The following FPR2 variants were observed in gnomAD, a reference collection of about 807,000 sequenced individuals.
FPR2 encodes N-formyl peptide receptor 2.
Under a neutral mutation model 4.0 loss-of-function variants are expected in FPR2, and 3 were observed. That is an observed-to-expected ratio of 0.74 (90% confidence interval 0.34 to 1.92). The LOEUF (loss-of-function observed/expected upper bound fraction) is 1.92. Ranked by LOEUF, FPR2 falls within the 30% of genes most tolerant of loss-of-function variation. The pLI, the probability that FPR2 is intolerant of heterozygous loss-of-function variation, is 0.07. For missense variants in FPR2, 372 were observed against 435.7 expected (o/e 0.85, Z 1.30); for synonymous variants, 179 against 171.5 (o/e 1.04, Z -0.34).
At chr19:51,768,405 G>A in intron 1 of FPR2, 1 of 462,098 alleles carries the variant, frequency 2.2e-6, no homozygotes, top group Non-Finnish European at 3.9e-6. Context: ...TCTTGGTGAA[G>A]TGATCAGCCC....
At chr19:51,766,049 A>G (rs578069378) in intron 1 of FPR2, among the ~76,000 whole-genome samples, 269 of 152,304 alleles carry the variant, frequency 1.8e-3, no homozygotes, top group African/African-American at 6.3e-3. Flanking sequence ...CCTCCCGAGT[A>G]GCTGGGACTG....
At chr19:51,766,184 G>A (rs575768374) in intron 1 of FPR2, among the ~76,000 whole-genome samples, 1 of 152,204 alleles carries the variant, frequency 6.6e-6, no homozygotes, top group Non-Finnish European at 1.5e-5. Context: ...GCCTCCCAAA[G>A]TGTTGGGATT....
At position 51,769,045 on chromosome 19, in the gene FPR2, T is replaced by C. The variant is rs2083884485; in HGVS notation, c.387T>C (p.His129=). The part of the protein sequence containing the change: ...IALDRCICVL[H]PVWAQNHRTV... Reference sequence around the variant, plus strand: ...TGGACCGCTGCATTTGTGTCCTGCATCCAGTCTGGGCCCAGAACCACCGCA... The same window carrying C: ...TGGACCGCTGCATTTGTGTCCTGCACCCAGTCTGGGCCCAGAACCACCGCA... The change falls in exon 2 of 2, where the codon CAT becomes CAC. Residue 129 remains histidine, a synonymous_variant. Coordinates refer to ENST00000340023, the MANE Select transcript of FPR2 (RefSeq NM_001005738.2). The surrounding 1 kb of genome is among the most constrained non-coding windows in gnomAD (Gnocchi z 4.4). The C allele has an allele frequency of 6.2e-7, 1 of 1,614,220 alleles. No homozygotes were observed. The highest frequency in any genetic ancestry group is 1.7e-5 in the Admixed American group (1 of 60,028).
chr19:51,769,072 T>C lies in FPR2; in HGVS notation c.414T>C (p.Thr138=), dbSNP rs1185906831. 5 of 1,614,086 alleles carry C rather than the reference T, an allele frequency of 3.1e-6. No individual in the cohort carries two copies. The highest frequency in any genetic ancestry group is 1.1e-5 in the South Asian group (1 of 91,090). ...CAGTCTGGGCCCAGAACCACCGCAC[T>C]GTGAGTCTGGCCATGAAGGTGATCG... The part of the protein sequence containing the change: ...LHPVWAQNHR[T]VSLAMKVIVG... Residue 138 remains threonine, a synonymous_variant, in exon 2 of 2, where the codon ACT becomes ACC. Transcript: ENST00000340023. This position sits in a 1 kb window ranked among gnomAD's most constrained non-coding sequence, Gnocchi z 4.4.
chr19:51,770,202 T>C lies in FPR2; in HGVS notation c.*488T>C, dbSNP rs1285941964. On this transcript the variant is annotated 3_prime_UTR_variant, in exon 2 of 2. Transcript: ENST00000340023. ...TCTACATGTATTAAGATGGTCATATTATTCTTCTTCTTTTATGTAAATCAT... is the reference window on the plus strand; with the variant it reads ...TCTACATGTATTAAGATGGTCATATCATTCTTCTTCTTTTATGTAAATCAT... 5.9e-6 allele frequency: 1 copy of C among 168,910 alleles called. No individual in the cohort carries two copies. The highest frequency in any genetic ancestry group is 1.9e-4 in the East Asian group (1 of 5,230). The allele number at this position is 168,910 out of a possible 1,614,324, so 10.5% of individuals were successfully genotyped here.
At chr19:51,768,549 G>A in intron 1 of FPR2, 96 bp from the exon 2 acceptor site, 1 of 951,274 alleles carries the variant, frequency 1.1e-6, no homozygotes, top group African/African-American at 1.7e-5. Flanking sequence ...CTCCTGGTAG[G>A]AGTGGGAGCT....
chr19:51,766,372 A>C (rs1361499917), intron 1 of FPR2, among the ~76,000 whole-genome samples: 1 of 89,696 alleles, frequency 1.1e-5, no homozygotes, highest in Non-Finnish European at 2.5e-5. Flanking sequence ...GGGGCTGCTC[A>C]ACATCCTACT....
chr19:51,769,452 C>T lies in FPR2; in HGVS notation c.794C>T (p.Thr265Ile). Residue 265 changes from threonine (T) to isoleucine (I), a missense_variant, in exon 2 of 2, where the codon ACC (threonine) becomes ATC (isoleucine). Transcript: ENST00000340023. The surrounding 1 kb of genome is among the most constrained non-coding windows in gnomAD (Gnocchi z 4.4). ...TTTCAACTGGTTGCCCTTCTGGGCA[C>T]CGTCTGGCTCAAAGAGATGTTGTTC... is the stretch of plus-strand genomic sequence containing the variant. ...FPFQLVALLG[T>I]VWLKEMLFYG... The T allele has an allele frequency of 6.2e-7, 1 of 1,614,202 alleles. No homozygotes were observed. The highest frequency in any genetic ancestry group is 8.5e-7 in the Non-Finnish European group (1 of 1,180,036).
chr19:51,769,382 G>T lies in FPR2; in HGVS notation c.724G>T (p.Val242Phe). The change falls in exon 2 of 2, where the codon GTC becomes TTC. Residue 242 changes from valine to phenylalanine, a missense_variant. Val to Phe is a conservative substitution (Grantham distance 50, BLOSUM62 -1). Coordinates refer to ENST00000340023, the MANE Select transcript of FPR2 (RefSeq NM_001005738.2). The surrounding 1 kb of genome is among the most constrained non-coding windows in gnomAD (Gnocchi z 4.4). ...GATTAAATCCAGCCGTCCCTTACGGGTCCTCACTGCTGTGGTGGCTTCTTT... is the reference window on the plus strand; with the variant it reads ...GATTAAATCCAGCCGTCCCTTACGGTTCCTCACTGCTGTGGTGGCTTCTTT... ...GMIKSSRPLR[V>F]LTAVVASFFI... 1.2e-6 allele frequency: 2 copies of T among 1,614,224 alleles called. No homozygotes were observed. Among genetic ancestry groups the T allele is most frequent in the Non-Finnish European group, 1.7e-6 (2 of 1,180,052 alleles).
intron 1 of FPR2, among the ~76,000 whole-genome samples, chr19:51,767,825 C>T (rs752664783): frequency 7.2e-5 from 11 of 152,016 alleles, no homozygotes; most frequent in Admixed American, 2.0e-4. Flanking sequence ...TAGGCCAAAC[C>T]GGATCCCATA....
rs2083891792 is a variant in FPR2 at position 51,769,879 on chromosome 19, C to T, written c.*165C>T. The T allele has an allele frequency of 1.6e-6, 1 of 644,856 alleles. No homozygotes were observed. Among genetic ancestry groups the T allele is most frequent in the Non-Finnish European group, 2.7e-6 (1 of 366,806 alleles). 39.9% of individuals were successfully genotyped at this position (644,856 alleles called of 1,614,324 possible). A position where few individuals can be genotyped will look rare whatever the true frequency, so the allele number is the denominator to read the frequency against. ...GATTTGGGGCTAAGAAATAGACAGT[C>T]AGGCTACTAAAATATTAGTGTTATT... On this transcript the variant is annotated 3_prime_UTR_variant, in exon 2 of 2. Transcript: ENST00000340023. The surrounding 1 kb of genome is among the most constrained non-coding windows in gnomAD (Gnocchi z 4.4).
At position 51,769,810 on chromosome 19, in the gene FPR2, G is replaced by A. The variant is rs1207561278; in HGVS notation, c.*96G>A. 1.0e-6 allele frequency: 1 copy of A among 999,418 alleles called. No homozygotes were observed. The highest frequency in any genetic ancestry group is 1.5e-5 in the South Asian group (1 of 64,768). The allele number at this position is 999,418 out of a possible 1,614,324, so 61.9% of individuals were successfully genotyped here. ...GAGTCATATTGAGGCATTCAAGGAT[G>A]CACAGCTCAAGTATTTATTCAGGAA... On this transcript the variant is annotated 3_prime_UTR_variant, in exon 2 of 2. Transcript: ENST00000340023. This position sits in a 1 kb window ranked among gnomAD's most constrained non-coding sequence, Gnocchi z 4.4.
Position 51,768,815 on chromosome 19 carries a change from T to C in FPR2, c.157T>C (p.Phe53Leu). 1 of 1,614,164 alleles carries C rather than the reference T, an allele frequency of 6.2e-7. No individual in the cohort carries two copies. The highest frequency in any genetic ancestry group is 1.1e-5 in the South Asian group (1 of 91,082). ...TGGGCTTGTGATCTGGGTGGCTGGA[T>C]TCCGGATGACACGCACAGTCACCAC... is the stretch of plus-strand genomic sequence containing the variant. Reference protein sequence around the residue: ...GNGLVIWVAGFRMTRTVTTIC... With the variant: ...GNGLVIWVAGLRMTRTVTTIC... Residue 53 changes from phenylalanine (F) to leucine (L), a missense_variant, in exon 2 of 2, where the codon TTC becomes CTC. Physicochemically the swap from Phe to Leu is conservative, Grantham distance 22 (BLOSUM62 0). Transcript: ENST00000340023.
intron 1 of FPR2, among the ~76,000 whole-genome samples, chr19:51,767,942 C>T (rs890196066): frequency 6.6e-6 from 1 of 151,954 alleles, no homozygotes; most frequent in Non-Finnish European, 1.5e-5. Flanking sequence ...CTATACAAAT[C>T]GGCACTGATT....
rs951586858 is a variant in FPR2 at position 51,770,017 on chromosome 19, G to A, written c.*303G>A. On this transcript the variant is annotated 3_prime_UTR_variant, in exon 2 of 2. Coordinates refer to ENST00000340023, the MANE Select transcript of FPR2 (RefSeq NM_001005738.2). ...TAGATGAGATAGCGCATAATAAGGG[G>A]AAGACTTTAAAGTATAAAGTAAAAT... 3 of 291,910 alleles carry A rather than the reference G, an allele frequency of 1.0e-5. No individual in the cohort carries two copies. The highest frequency in any genetic ancestry group is 2.1e-5 in the African/African-American group (1 of 46,632). 18.1% of individuals were successfully genotyped at this position (291,910 alleles called of 1,614,324 possible). A position where few individuals can be genotyped will look rare whatever the true frequency, so the allele number is the denominator to read the frequency against.
Position 51,770,303 on chromosome 19 carries a change from G to A in FPR2, c.*589G>A, listed in dbSNP as rs906976220. The A allele has an allele frequency of 6.0e-6, 1 of 167,186 alleles. No homozygotes were observed. The highest frequency in any genetic ancestry group is 6.5e-5 in the Admixed American group (1 of 15,288). 10.4% of individuals were successfully genotyped at this position (167,186 alleles called of 1,614,324 possible). On this transcript the variant is annotated 3_prime_UTR_variant, in exon 2 of 2. Coordinates refer to ENST00000340023, the MANE Select transcript of FPR2 (RefSeq NM_001005738.2). ...GGAATAAACCACACTTAGTCCTGAT[G>A]TACTTTAAATATTTATATCTCACAG...
intron 1 of FPR2, among the ~76,000 whole-genome samples, chr19:51,767,654 T>A (rs1167142111): frequency 1.3e-5 from 2 of 152,070 alleles, no homozygotes; most frequent in Non-Finnish European, 2.9e-5. Flanking sequence ...CAACCAGCAA[T>A]ATCTGTCAAG....
chr19:51,763,172 T>C (rs1394143450), intron 1 of FPR2: 2 of 152,108 alleles, frequency 1.3e-5, no homozygotes, highest in Admixed American at 6.6e-5. Flanking sequence ...GACTGGATAA[T>C]ATCACCTATA....
In FPR2 at chr19:51,768,558, C is replaced by A. The variant is rs75508500; in HGVS notation, c.-14-87C>A. 1.0e-2 allele frequency: 10,685 copies of A among 1,069,878 alleles called. 742 individuals carry two copies. The African/African-American group carries it at 0.15, about 15-fold the overall frequency. 66.3% of individuals were successfully genotyped at this position (1,069,878 alleles called of 1,614,324 possible). A position where few individuals can be genotyped will look rare whatever the true frequency, so the allele number is the denominator to read the frequency against. ...GTGGGTCTCCTGGTAGGAGTGGGAG[C>A]TTTAGTGGAAGTTGATGTGAGCTAT... On this transcript the variant is annotated intron_variant, in intron 1 of 1. Coordinates refer to ENST00000340023, the MANE Select transcript of FPR2 (RefSeq NM_001005738.2).
Sources: allele counts gnomAD v4.1 joint callset (sites outside exome capture counted in the v4.1 genomes callset), GRCh38; gene constraint gnomAD v4.1.1; non-coding constraint Gnocchi (gnomAD v3.1); transcripts MANE v1.5; gene names NCBI Gene and HGNC (gene_info 2026-07-23, HGNC 2026-07-21).